The following EYS variants were observed in gnomAD, a reference collection of about 807,000 sequenced individuals.
EYS encodes the protein protein eyes shut homolog.
EYS carries 250 observed loss-of-function variants against 282.1 expected under a neutral mutation model. The ratio of observed to expected loss-of-function variants is 0.89; its 90% CI spans 0.80 to 0.98. The LOEUF (loss-of-function observed/expected upper bound fraction) is 0.98. Ranked by LOEUF, EYS falls within the 50% of genes least tolerant of loss-of-function variation. The probability of loss-of-function intolerance (pLI) is 0.00; values close to 1 mark genes in which losing one functional copy is unlikely to be tolerated. For missense variants in EYS, 4,016 were observed against 3,709.0 expected, an observed-to-expected ratio of 1.08 and a Z score of -2.15; for synonymous variants, 1,355 against 1,282.9, an observed-to-expected ratio of 1.06 and a Z score of -1.20.
At chr6:65,329,469 T>A in intron 11 of EYS, 1 of 965,902 alleles carries the variant, frequency 1.0e-6, no homozygotes, top group Non-Finnish European at 1.2e-6. Flanking sequence ...TGTATGTAAG[T>A]GCCTTAGACA....
At chr6:64,929,160 G>C (rs1488530501) in intron 15 of EYS, among the ~76,000 whole-genome samples, 4 of 152,022 alleles carry the variant, frequency 2.6e-5, no homozygotes, top group Non-Finnish European at 5.9e-5. Context: ...CTTTTAAAAA[G>C]GGGGGAAATT....
chr6:64,170,683 C>G lies in EYS; in HGVS notation c.6424+59909G>C, dbSNP rs1582377491. On this transcript the variant is annotated intron_variant, in intron 31 of 42. Coordinates refer to ENST00000503581, the MANE Select transcript of EYS (RefSeq NM_001142800.2). ...TGACATTATCTACACTTTCTTACAT[C>G]TGCAAAGACCTTGTTTATAAACAAG... is the stretch of plus-strand genomic sequence containing the variant. 3.3e-5 allele frequency among the ~76,000 whole-genome samples: 5 copies of G among 150,870 alleles called. No individual in the cohort carries two copies. In the South Asian group the frequency reaches 1.1e-3, roughly 32 times the overall value.
intron 33 of EYS, among the ~76,000 whole-genome samples, chr6:64,019,712 TTC>T (rs1226611586): frequency 1.3e-5 from 2 of 151,924 alleles, no homozygotes; most frequent in African/African-American, 4.8e-5. Context: ...CTCAGCCTCG[TTC>T]TTTCTTTTTT....
chr6:64,370,322 T>C (rs1465030422), intron 29 of EYS, among the ~76,000 whole-genome samples: 1 of 152,124 alleles, frequency 6.6e-6, no homozygotes, highest in Non-Finnish European at 1.5e-5. Context: ...GTGAATCACA[T>C]TTATTGATTT....
intron 31 of EYS, among the ~76,000 whole-genome samples, chr6:64,167,372 C>T (rs536808298): frequency 1.3e-5 from 2 of 152,190 alleles, no homozygotes; most frequent in South Asian, 4.1e-4. Flanking sequence ...GTTTAAGTTC[C>T]TGAGAGTAAA....
intron 14 of EYS, among the ~76,000 whole-genome samples, chr6:64,969,549 G>C (rs1310509648): frequency 1.3e-5 from 2 of 152,038 alleles, no homozygotes; most frequent in East Asian, 3.9e-4. Flanking sequence ...AAAAATGAGG[G>C]CCAGGTCCAG....
chr6:64,182,493 T>G (rs904265797), intron 31 of EYS, among the ~76,000 whole-genome samples: 1 of 152,130 alleles, frequency 6.6e-6, no homozygotes, highest in African/African-American at 2.4e-5. Flanking sequence ...CATTCTCTTT[T>G]CATTTTTTCA....
intron 13 of EYS, among the ~76,000 whole-genome samples, chr6:65,017,081 C>T (rs1380256252): frequency 1.2e-4 from 19 of 152,110 alleles, no homozygotes. Context: ...CTCTCCCTAT[C>T]CCATTCCCTC....
chr6:64,619,170 A>G (rs1220345767), intron 23 of EYS, among the ~76,000 whole-genome samples: 1 of 152,188 alleles, frequency 6.6e-6, no homozygotes, highest in African/African-American at 2.4e-5. Context: ...AGTTATACAC[A>G]TTTATTACAG....
intron 9 of EYS, among the ~76,000 whole-genome samples, chr6:65,345,740 C>CA (rs1015037837): frequency 1.3e-5 from 2 of 149,286 alleles, no homozygotes; most frequent in Non-Finnish European, 3.0e-5. Context: ...CCCAAGACCT[C>CA]AAAAAAACAG....
chr6:65,045,453 C>T (rs979078395), intron 13 of EYS, among the ~76,000 whole-genome samples: 1 of 151,740 alleles, frequency 6.6e-6, no homozygotes, highest in African/African-American at 2.4e-5. Context: ...GAGATGGAGT[C>T]TTTGGGGGCA....
chr6:64,418,259 G>T (rs1457650809), intron 28 of EYS, among the ~76,000 whole-genome samples: 2 of 152,104 alleles, frequency 1.3e-5, no homozygotes, highest in African/African-American at 4.8e-5. Context: ...TTGTGGTATG[G>T]CTATTTAGTT....
At chr6:64,151,423 C>T (rs1488879888) in intron 31 of EYS, among the ~76,000 whole-genome samples, 2 of 143,350 alleles carry the variant, frequency 1.4e-5, no homozygotes, top group African/African-American at 2.6e-5. Context: ...TGCAATGGTG[C>T]CATCTTGGCT....
At chr6:65,193,093 C>T (rs961877655) in intron 12 of EYS, among the ~76,000 whole-genome samples, 8 of 151,870 alleles carry the variant, frequency 5.3e-5, no homozygotes, top group Admixed American at 3.3e-4. Context: ...TTTACGTTCT[C>T]ACTCATCTGT....
intron 2 of EYS, among the ~76,000 whole-genome samples, chr6:65,610,136 G>T (rs1158594206): frequency 6.6e-6 from 1 of 151,936 alleles, no homozygotes; most frequent in Non-Finnish European, 1.5e-5. Context: ...GCAAACTCAG[G>T]CCACAAGTGA....
At chr6:65,627,039 C>T (rs10944826) in intron 2 of EYS, among the ~76,000 whole-genome samples, 1 of 150,790 alleles carries the variant, frequency 6.6e-6, no homozygotes, top group African/African-American at 2.4e-5. Context: ...CTTTCTTTCT[C>T]TCTTTCTTTC....
At chr6:65,211,420 T>C (rs757771973) in intron 12 of EYS, among the ~76,000 whole-genome samples, 2 of 152,028 alleles carry the variant, frequency 1.3e-5, no homozygotes, top group Non-Finnish European at 2.9e-5. Context: ...AAACCATCTA[T>C]TGGCATACTG....
At chr6:65,475,280 G>T (rs1240109860) in intron 5 of EYS, among the ~76,000 whole-genome samples, 1 of 151,766 alleles carries the variant, frequency 6.6e-6, no homozygotes, top group Non-Finnish European at 1.5e-5. Context: ...CTTGGTTTTG[G>T]GTCATAAAAA....
Position 64,515,447 on chromosome 6 carries a change from G to C in EYS, c.5644+74776C>G, listed in dbSNP as rs1403659941. On this transcript the variant is annotated intron_variant, in intron 26 of 42. Transcript: ENST00000503581. ...ATTTTTTGCTAAAAAAATTGTTATG[G>C]ACACCTGTCATTAAATGTTAGTACT... Among the ~76,000 whole-genome samples the C allele has an allele frequency of 7.3e-5, 11 of 151,158 alleles. No homozygotes were observed. The East Asian group carries it at 2.0e-3, about 27-fold the overall frequency.
Sources: gnomAD v4.1 joint callset for allele counts (sites outside exome capture counted in the v4.1 genomes callset) on GRCh38, gnomAD v4.1.1 for gene constraint, MANE v1.5 for transcripts, NCBI Gene and HGNC (gene_info 2026-07-23, HGNC 2026-07-21) for gene names.